The following SPDYE10 variants were observed in gnomAD, a reference collection of about 807,000 sequenced individuals.
SPDYE10 encodes speedy protein E10.
chr7:73,107,561 C>T, the SPDYE10 span, among the ~76,000 whole-genome samples: 8 of 42,806 alleles, frequency 1.9e-4, no homozygotes, highest in Non-Finnish European at 3.8e-4. Context: ...ATGGAGGCTG[C>T]GGTGAGCTAT....
the SPDYE10 span, among the ~76,000 whole-genome samples, chr7:73,107,930 G>C: frequency 1.6e-4 from 12 of 75,120 alleles, no homozygotes; most frequent in Non-Finnish European, 2.8e-4. Context: ...GAGCAGTGAA[G>C]CCAAGCCAGG....
At chr7:73,149,549 A>C in the SPDYE10 span, among the ~76,000 whole-genome samples, 2 of 151,974 alleles carry the variant, frequency 1.3e-5, no homozygotes, top group East Asian at 3.8e-4. Context: ...GGCCTCCCAA[A>C]GTGCTGGGAT....
the SPDYE10 span, among the ~76,000 whole-genome samples, chr7:73,137,655 AAAG>A: frequency 2.3e-5 from 3 of 131,602 alleles, no homozygotes; most frequent in Non-Finnish European, 3.2e-5. Flanking sequence ...GAAAGAAAGA[AAAG>A]AGAAAGAAAG....
chr7:73,138,355 G>A, the SPDYE10 span, among the ~76,000 whole-genome samples: 1 of 151,832 alleles, frequency 6.6e-6, no homozygotes. Flanking sequence ...CATTGACCAT[G>A]GGCCTAATTT....
chr7:73,127,943 CACATACTATTCTACGTAAAT>C, the SPDYE10 span, among the ~76,000 whole-genome samples: 1 of 134,730 alleles, frequency 7.4e-6, no homozygotes, highest in Admixed American at 7.5e-5. Context: ...CCAACCATTC[CACATACTATTCTACGTAAAT>C]ATCTTGCAGA....
the SPDYE10 span, among the ~76,000 whole-genome samples, chr7:73,138,397 CAG>C: frequency 6.6e-6 from 1 of 150,472 alleles, no homozygotes; most frequent in African/African-American, 2.5e-5. Context: ...TTTTTTGAGA[CAG>C]AGTCTCACTC....
At chr7:73,125,334 A>T in the SPDYE10 span, among the ~76,000 whole-genome samples, 3 of 148,560 alleles carry the variant, frequency 2.0e-5, no homozygotes, top group Non-Finnish European at 4.4e-5. Context: ...AGAATCTGCC[A>T]ATGTATCCAG....
At chr7:73,149,412 C>G in the SPDYE10 span, among the ~76,000 whole-genome samples, 3 of 144,520 alleles carry the variant, frequency 2.1e-5, no homozygotes, top group Admixed American at 1.4e-4. Context: ...CTCAGCCTCC[C>G]AAGTAGCTGG....
the SPDYE10 span, among the ~76,000 whole-genome samples, chr7:73,121,426 CT>C: frequency 2.2e-3 from 7 of 3,234 alleles, no homozygotes; most frequent in South Asian, 0.02. Flanking sequence ...CCATGCCTGG[CT>C]TTTTTTTTTT....
the SPDYE10 span, among the ~76,000 whole-genome samples, chr7:73,149,912 C>T: frequency 6.4e-5 from 4 of 62,946 alleles, no homozygotes; most frequent in East Asian, 3.5e-4. Flanking sequence ...TGGCCAAAGC[C>T]GTGAAAATCA....
chr7:73,138,074 C>T, the SPDYE10 span, among the ~76,000 whole-genome samples: 1 of 152,244 alleles, frequency 6.6e-6, no homozygotes, highest in Non-Finnish European at 1.5e-5. Flanking sequence ...TTTCCTGGCA[C>T]AGAGCTAGAA....
the SPDYE10 span, among the ~76,000 whole-genome samples, chr7:73,150,953 T>A: frequency 6.6e-4 from 17 of 25,642 alleles, 1 homozygote; most frequent in African/African-American, 1.5e-3. Context: ...TATATATTTT[T>A]TTTTTTTTAC....
the SPDYE10 span, among the ~76,000 whole-genome samples, chr7:73,144,931 G>T: frequency 1.3e-5 from 1 of 78,466 alleles, no homozygotes; most frequent in Admixed American, 1.4e-4. Flanking sequence ...CATGAGAATT[G>T]CTTGAGGCAG....
At chr7:73,149,449 G>A in the SPDYE10 span, among the ~76,000 whole-genome samples, 12 of 141,454 alleles carry the variant, frequency 8.5e-5, no homozygotes, top group South Asian at 4.8e-4. Flanking sequence ...CACCATGCCC[G>A]GCTAATTTTT....
the SPDYE10 span, among the ~76,000 whole-genome samples, chr7:73,150,907 A>AATAT: frequency 2.6e-4 from 3 of 11,576 alleles, no homozygotes; most frequent in Non-Finnish European, 4.2e-4. Flanking sequence ...AAAAAAAAAA[A>AATAT]ATATATATAT....
the SPDYE10 span, among the ~76,000 whole-genome samples, chr7:73,134,801 G>T: frequency 6.6e-6 from 1 of 152,290 alleles, no homozygotes; most frequent in African/African-American, 2.4e-5. Flanking sequence ...GGCGGAGGTT[G>T]CAGGGAGCCA....
the SPDYE10 span, among the ~76,000 whole-genome samples, chr7:73,143,691 G>C: frequency 6.6e-6 from 1 of 152,184 alleles, no homozygotes; most frequent in South Asian, 2.1e-4. Flanking sequence ...ACATCCCTAT[G>C]ATTTCTCTTT....
At chr7:73,138,447 C>T in the SPDYE10 span, among the ~76,000 whole-genome samples, 1 of 150,776 alleles carries the variant, frequency 6.6e-6, no homozygotes, top group African/African-American at 2.5e-5. Context: ...GGTGCAATCT[C>T]AGCTCACTGC....
the SPDYE10 span, among the ~76,000 whole-genome samples, chr7:73,120,803 G>T: frequency 6.6e-6 from 1 of 151,532 alleles, no homozygotes; most frequent in Non-Finnish European, 1.5e-5. Context: ...AAAAAAAAAA[G>T]GAAGTCTGTT....
Sources: gnomAD v4.1 joint callset for allele counts (sites outside exome capture counted in the v4.1 genomes callset) on GRCh38, gnomAD v4.1.1 for gene constraint, MANE v1.5 for transcripts, NCBI Gene and HGNC (gene_info 2026-07-23, HGNC 2026-07-21) for gene names.